Variants in ARHGAP28 observed in about 807,000 individuals in gnomAD.
The protein encoded by ARHGAP28 is Rho GTPase activating protein 28.
ARHGAP28 carries 56 observed loss-of-function variants against 90.7 expected under a neutral mutation model. The ratio of observed to expected loss-of-function variants is 0.62; its 90% CI spans 0.50 to 0.77. The LOEUF is 0.77. ARHGAP28 is among the 30% of genes least tolerant of loss of function. The probability of loss-of-function intolerance (pLI) is 0.00; values close to 1 mark genes in which losing one functional copy is unlikely to be tolerated. For missense variants in ARHGAP28, 869 were observed against 900.9 expected, an observed-to-expected ratio of 0.96 and a Z score of 0.45; for synonymous variants, 308 against 323.3, an observed-to-expected ratio of 0.95 and a Z score of 0.51.
At chr18:6,787,996 G>A (rs1185552521) in intron 1 of ARHGAP28, among the ~76,000 whole-genome samples, 1 of 152,176 alleles carries the variant, frequency 6.6e-6, no homozygotes, top group Non-Finnish European at 1.5e-5. Context: ...AATACAGGTT[G>A]GCTTCAGTTT....
intron 3 of ARHGAP28, among the ~76,000 whole-genome samples, chr18:6,841,174 CTCTCTCCTCTCT>C (rs1464054943): frequency 4.9e-5 from 4 of 81,852 alleles, no homozygotes; most frequent in Non-Finnish European, 9.6e-5. Context: ...TCTCCTCTCT[CTCTCTCCTCTCT>C]CTCTCTCTCT....
At chr18:6,839,299 T>TTA (rs1555631091) in intron 3 of ARHGAP28, among the ~76,000 whole-genome samples, 1 of 150,280 alleles carries the variant, frequency 6.7e-6, no homozygotes, top group Non-Finnish European at 1.5e-5. Context: ...ATAATTTTTT[T>TTA]TTTTTTTTTT....
chr18:6,839,600 A>AT (rs1475758471), intron 3 of ARHGAP28, among the ~76,000 whole-genome samples: 38 of 152,202 alleles, frequency 2.5e-4, no homozygotes, highest in Middle Eastern at 3.4e-3. Context: ...CCCGGCCATA[A>AT]TTTTTTTAGA....
chr18:6,871,261 A>G (rs1283498413), intron 7 of ARHGAP28, among the ~76,000 whole-genome samples: 2 of 152,216 alleles, frequency 1.3e-5, no homozygotes, highest in African/African-American at 4.8e-5. Context: ...GTGAGGCTGT[A>G]GGCTTGAATA....
At chr18:6,757,676 T>C (rs1036034692) in intron 1 of ARHGAP28, among the ~76,000 whole-genome samples, 9 of 152,190 alleles carry the variant, frequency 5.9e-5, no homozygotes, top group African/African-American at 1.9e-4. Context: ...TTTCTCCCTA[T>C]GTCCTCCTCT....
chr18:6,872,104 T>C (rs1347204493), intron 7 of ARHGAP28, among the ~76,000 whole-genome samples: 4 of 152,174 alleles, frequency 2.6e-5, no homozygotes, highest in Non-Finnish European at 5.9e-5. Context: ...CCTGCAGGAC[T>C]CTGGTTTCAG....
At chr18:6,843,730 G>T (rs1326419554) in intron 3 of ARHGAP28, among the ~76,000 whole-genome samples, 3 of 152,158 alleles carry the variant, frequency 2.0e-5, no homozygotes, top group Non-Finnish European at 4.4e-5. Flanking sequence ...GAAAATAAAT[G>T]TGTTTTTTCT....
intron 1 of ARHGAP28, among the ~76,000 whole-genome samples, chr18:6,770,528 ACCTTCC>A (rs956763803): frequency 6.6e-6 from 1 of 152,174 alleles, no homozygotes; most frequent in African/African-American, 2.4e-5. Flanking sequence ...ATTCATCCCC[ACCTTCC>A]CCTGGGATCA....
intron 3 of ARHGAP28, among the ~76,000 whole-genome samples, chr18:6,841,452 A>G (rs1029025329): frequency 3.3e-5 from 5 of 151,798 alleles, no homozygotes; most frequent in Non-Finnish European, 7.4e-5. Flanking sequence ...GTAAGGATAT[A>G]AGTAAGATAG....
At chr18:6,889,834 CA>C in intron 12 of ARHGAP28, 53 bp from the exon 13 acceptor site, 5 of 1,535,706 alleles carry the variant, frequency 3.3e-6, no homozygotes, top group Non-Finnish European at 4.5e-6. Context: ...TGATAGCAAT[CA>C]GGGGCACTTT....
chr18:6,870,283 C>G (rs1414707622), intron 6 of ARHGAP28, among the ~76,000 whole-genome samples: 1 of 152,114 alleles, frequency 6.6e-6, no homozygotes, highest in South Asian at 2.1e-4. Context: ...TAGAAATACC[C>G]TATTTTGGAC....
At chr18:6,826,599 GA>G (rs2056664981) in intron 2 of ARHGAP28, among the ~76,000 whole-genome samples, 1 of 150,214 alleles carries the variant, frequency 6.7e-6, no homozygotes, top group Non-Finnish European at 1.5e-5. Flanking sequence ...CATCTCCCAC[GA>G]GCGCGTATGA....
chr18:6,740,016 G>A (rs986078851), intron 1 of ARHGAP28, among the ~76,000 whole-genome samples: 1 of 151,900 alleles, frequency 6.6e-6, no homozygotes, highest in Non-Finnish European at 1.5e-5. Context: ...CACCACACTC[G>A]GCTAATTTTG....
chr18:6,884,972 T>C (rs2057209150), intron 11 of ARHGAP28, among the ~76,000 whole-genome samples: 1 of 152,260 alleles, frequency 6.6e-6, no homozygotes, highest in South Asian at 2.1e-4. Context: ...TTTATAGTTT[T>C]TGTGCTTTTA....
In ARHGAP28 at chr18:6,901,326, CACTT is replaced by C. The variant is rs1382969345; in HGVS notation, c.2030+4702_2030+4705del. Among the ~76,000 whole-genome samples the C allele has an allele frequency of 2.0e-5, 3 of 152,254 alleles. No individual in the cohort carries two copies. In the East Asian group the frequency reaches 5.8e-4, roughly 29 times the overall value. On this transcript the variant is annotated intron_variant, in intron 16 of 17. Coordinates refer to ENST00000383472, the MANE Select transcript of ARHGAP28 (RefSeq NM_001366230.1). ...CATTGCTCAGTGTATGTAGAGGACA[CACTT>C]AAGACAATTACATTTTAAAATGGTG...
At chr18:6,860,618 G>A (rs1051818723) in intron 5 of ARHGAP28, among the ~76,000 whole-genome samples, 9 of 152,182 alleles carry the variant, frequency 5.9e-5, no homozygotes, top group African/African-American at 2.2e-4. Context: ...CACATTCAAA[G>A]GTTCTGCTGG....
At chr18:6,858,671 C>T (rs112958054) in intron 4 of ARHGAP28, among the ~76,000 whole-genome samples, 3 of 151,806 alleles carry the variant, frequency 2.0e-5, no homozygotes, top group Non-Finnish European at 4.4e-5. Flanking sequence ...AGCTTCCCAA[C>T]AGGCATGCAC....
intron 1 of ARHGAP28, among the ~76,000 whole-genome samples, chr18:6,818,160 A>G (rs543492772): frequency 1.4e-4 from 22 of 152,288 alleles, no homozygotes; most frequent in Middle Eastern, 6.8e-3. Context: ...TGTTTAGGAA[A>G]TGGAGTCACA....
intron 1 of ARHGAP28, among the ~76,000 whole-genome samples, chr18:6,823,048 T>G (rs2056636504): frequency 6.6e-6 from 1 of 152,322 alleles, no homozygotes; most frequent in East Asian, 1.9e-4. Context: ...TCTTTCCACC[T>G]GGGAGCTCTT....
Sources: allele counts gnomAD v4.1 joint callset (sites outside exome capture counted in the v4.1 genomes callset), GRCh38; gene constraint gnomAD v4.1.1; transcripts MANE v1.5; gene names NCBI Gene and HGNC (gene_info 2026-07-23, HGNC 2026-07-21).